Variants in WWC2 observed in about 807,000 individuals in gnomAD.
WWC2 encodes the protein WW and C2 domain containing 2.
A neutral mutation model predicts 138.5 loss-of-function variants in WWC2; 101 were observed. The ratio of observed to expected loss-of-function variants is 0.73; its 90% confidence interval spans 0.62 to 0.86. WWC2 has a LOEUF of 0.86. Ranked by LOEUF, WWC2 falls within the 40% of genes least tolerant of loss-of-function variation. The pLI is 0.00. For missense variants in WWC2, 1,420 were observed against 1,419.4 expected (o/e 1.00, Z -0.01); for synonymous variants, 558 against 538.4 (o/e 1.04, Z -0.50).
rs73870364 is a variant in WWC2 at position 183,206,237 on chromosome 4, A to T, written c.242-1716A>T. Among the ~76,000 whole-genome samples, 325 of 152,262 alleles carry T rather than the reference A, an allele frequency of 2.1e-3. 1 individual carries two copies. Among genetic ancestry groups the T allele is most frequent in the African/African-American group, 7.4e-3 (307 of 41,556 alleles). ...TGTTCATATATTTTATCTTCTAGTTACAGTGGCCCTGTTATTCCACCATGG... is the reference window on the plus strand; with the variant it reads ...TGTTCATATATTTTATCTTCTAGTTTCAGTGGCCCTGTTATTCCACCATGG... On this transcript the variant is annotated intron_variant, in intron 2 of 22. Transcript: ENST00000403733.
At position 183,135,686 on chromosome 4, in the gene WWC2, C is replaced by T. The variant is rs143627296; in HGVS notation, c.131+36064C>T. On this transcript the variant is annotated intron_variant, in intron 1 of 22. Coordinates refer to ENST00000403733, the MANE Select transcript of WWC2 (RefSeq NM_024949.6). ...TCTTCATACCTTCTTGCAACTCAAACCTACCAGCTGGGATCACTTTCTTTC... is the reference window on the plus strand; with the variant it reads ...TCTTCATACCTTCTTGCAACTCAAATCTACCAGCTGGGATCACTTTCTTTC... 5.1e-3 allele frequency among the ~76,000 whole-genome samples: 777 copies of T among 152,236 alleles called. 5 individuals are homozygous for T. Among genetic ancestry groups the T allele is most frequent in the African/African-American group, 0.018 (747 of 41,548 alleles).
chr4:183,144,400 AT>A (rs79940153), intron 1 of WWC2, among the ~76,000 whole-genome samples: 24,469 of 151,266 alleles, frequency 0.16, 2,370 homozygotes, highest in South Asian at 0.25. Context: ...AAAAAACTGC[AT>A]TTTTTTTTAT....
chr4:183,172,556 G>GTTTTTTTTTTTTTTTTTGTTTTTTT (rs1734322509), intron 1 of WWC2, among the ~76,000 whole-genome samples: 1 of 113,072 alleles, frequency 8.8e-6, no homozygotes, highest in Non-Finnish European at 1.8e-5. Context: ...TATGTTTCTT[G>GTTTTTTTTTTTTTTTTTGTTTTTTT]TTTTTTTTTT....
At chr4:183,112,319 T>C (rs888474556) in intron 1 of WWC2, among the ~76,000 whole-genome samples, 3 of 152,246 alleles carry the variant, frequency 2.0e-5, no homozygotes, top group Admixed American at 1.3e-4. Context: ...TTTCATAAAA[T>C]TGATTCTAAG....
chr4:183,118,572 A>T (rs1473136577), intron 1 of WWC2, among the ~76,000 whole-genome samples: 1 of 152,252 alleles, frequency 6.6e-6, no homozygotes, highest in African/African-American at 2.4e-5. Flanking sequence ...AATTGTTAAA[A>T]TTAACTTTTT....
At chr4:183,114,434 A>G (rs761943430) in intron 1 of WWC2, among the ~76,000 whole-genome samples, 17 of 152,206 alleles carry the variant, frequency 1.1e-4, no homozygotes, top group Non-Finnish European at 1.8e-4. Flanking sequence ...AGACATACAA[A>G]TAGAGAAATC....
intron 1 of WWC2, among the ~76,000 whole-genome samples, chr4:183,107,922 A>G (rs761831458): frequency 5.5e-4 from 84 of 152,206 alleles, no homozygotes; most frequent in Middle Eastern, 6.8e-3. Flanking sequence ...AATTTTCTCT[A>G]TATTCCTATA....
At chr4:183,311,395 A>G (rs1739212114) in intron 21 of WWC2, among the ~76,000 whole-genome samples, 2 of 152,162 alleles carry the variant, frequency 1.3e-5, no homozygotes, top group African/African-American at 2.4e-5. Flanking sequence ...GCCACACCCT[A>G]AAGAGTCTCT....
intron 14 of WWC2, among the ~76,000 whole-genome samples, chr4:183,267,532 T>C (rs1344263477): frequency 6.6e-6 from 1 of 152,166 alleles, no homozygotes; most frequent in Non-Finnish European, 1.5e-5. Flanking sequence ...AATGCACAAC[T>C]TCAGGAGAAA....
intron 1 of WWC2, among the ~76,000 whole-genome samples, chr4:183,155,104 GGAAA>G (rs1733760415): frequency 7.9e-6 from 1 of 126,356 alleles, no homozygotes; most frequent in Admixed American, 8.8e-5. Flanking sequence ...CAAACATGAA[GGAAA>G]AAATTAGAAA....
chr4:183,110,380 C>G (rs1183296436), intron 1 of WWC2, among the ~76,000 whole-genome samples: 1 of 150,976 alleles, frequency 6.6e-6, no homozygotes, highest in Non-Finnish European at 1.5e-5. Flanking sequence ...ATATATTATC[C>G]TTGTGATGCC....
At position 183,136,697 on chromosome 4, in the gene WWC2, C is replaced by T. The variant is rs565041865; in HGVS notation, c.131+37075C>T. Among the ~76,000 whole-genome samples, 27 of 152,316 alleles carry T rather than the reference C, an allele frequency of 1.8e-4. 1 individual carries two copies. In the East Asian group the frequency reaches 3.9e-3, roughly 22 times the overall value. ...CTTTGAATGCAGCCCAACACAAATT[C>T]GTAAACTATCTTAAAACATTATGAG... On this transcript the variant is annotated intron_variant, in intron 1 of 22. Transcript: ENST00000403733.
rs116323160 is a variant in WWC2 at position 183,175,013 on chromosome 4, A to G, written c.132-18586A>G. On this transcript the variant is annotated intron_variant, in intron 1 of 22. Transcript: ENST00000403733. ...TGGTATATGTAAGGTAAATATATTT[A>G]TGTCTATATTTTCTCTCTTGCTGTA... Among the ~76,000 whole-genome samples, 191 of 152,200 alleles carry G rather than the reference A, an allele frequency of 1.3e-3. 1 individual carries two copies. Among genetic ancestry groups the G allele is most frequent in the Middle Eastern group, 3.4e-3 (1 of 294 alleles).
intron 1 of WWC2, among the ~76,000 whole-genome samples, chr4:183,145,495 T>A (rs550420803): frequency 6.6e-6 from 1 of 152,316 alleles, no homozygotes; most frequent in East Asian, 1.9e-4. Context: ...GTAACTGAGA[T>A]CATAATTACA....
At position 183,198,277 on chromosome 4, in the gene WWC2, T is replaced by A. The variant is rs181740783; in HGVS notation, c.241+4569T>A. 1.7e-3 allele frequency among the ~76,000 whole-genome samples: 260 copies of A among 152,310 alleles called. 3 individuals carry two copies. Among genetic ancestry groups the A allele is most frequent in the Admixed American group, 0.015 (223 of 15,298 alleles). On this transcript the variant is annotated intron_variant, in intron 2 of 22. Coordinates refer to ENST00000403733, the MANE Select transcript of WWC2 (RefSeq NM_024949.6). ...ATAGATAAATGAAAAGAAGAAAAAT[T>A]ATCTATGTTCATACAACCCAGAGTT...
Position 183,208,070 on chromosome 4 carries a change from T to C in WWC2, c.359T>C (p.Val120Ala). Residue 120 changes from valine (V) to alanine (A), a missense_variant, in exon 3 of 23, where the codon GTG (valine) becomes GCG (alanine). Physicochemically the swap from Val to Ala is moderately conservative, Grantham distance 64. Coordinates refer to ENST00000403733, the MANE Select transcript of WWC2 (RefSeq NM_024949.6). ...ALRTQKELYH[V>A]KEQRLALALD... ...CGGACACAGAAGGAACTGTACCATG[T>C]GAAGGAGCAGAGGCTGGCGCTGGCC... 1.2e-6 allele frequency: 2 copies of C among 1,613,878 alleles called. No homozygotes were observed. Among genetic ancestry groups the C allele is most frequent in the Non-Finnish European group, 1.7e-6 (2 of 1,179,836 alleles).
chr4:183,131,087 T>C (rs1322291437), intron 1 of WWC2, among the ~76,000 whole-genome samples: 2 of 152,146 alleles, frequency 1.3e-5, no homozygotes, highest in African/African-American at 4.8e-5. Flanking sequence ...TGTGGACATT[T>C]GATTTTCAAA....
rs552460754 is a variant in WWC2, at chr4:183,137,478, T to G, written c.131+37856T>G. Among the ~76,000 whole-genome samples, 7 of 152,160 alleles carry G rather than the reference T, an allele frequency of 4.6e-5. No individual in the cohort carries two copies. The East Asian group carries it at 1.4e-3, about 29-fold the overall frequency. On this transcript the variant is annotated intron_variant, in intron 1 of 22. Coordinates refer to ENST00000403733, the MANE Select transcript of WWC2 (RefSeq NM_024949.6). ...TCAGGACCATCAAGATATTCCTAGG[T>G]GATAGGCATTTCTCAGCTTCTTTGG...
chr4:183,285,936 G>C, intron 19 of WWC2, 31 bp from the exon 20 acceptor site: 3 of 1,549,916 alleles, frequency 1.9e-6, no homozygotes, highest in Non-Finnish European at 2.6e-6. Context: ...TTGATATGCA[G>C]TGATTTTTTT....
Sources: gnomAD v4.1 joint callset for allele counts (sites outside exome capture counted in the v4.1 genomes callset) on GRCh38, gnomAD v4.1.1 for gene constraint, MANE v1.5 for transcripts, NCBI Gene and HGNC (gene_info 2026-07-23, HGNC 2026-07-21) for gene names.